The following PRH1 variants were observed in gnomAD, a reference collection of about 807,000 sequenced individuals.
The protein encoded by PRH1 is salivary acidic proline-rich phosphoprotein 1/2.
Under a neutral mutation model 7.9 loss-of-function variants are expected in PRH1, and 7 were observed. The observed-to-expected ratio is 0.89, with a 90% CI of 0.50 to 1.67. The LOEUF (loss-of-function observed/expected upper bound fraction) is 1.67, where lower values mean the gene tolerates loss of function less well. Among genes scored for constraint, PRH1 ranks in the 40% most tolerant of loss-of-function variants. The pLI, the probability that PRH1 is intolerant of heterozygous loss-of-function variation, is 0.00. For missense variants in PRH1, 109 were observed against 223.6 expected (o/e 0.49, Z 3.27); for synonymous variants, 45 against 80.8 (o/e 0.56, Z 2.38).
intron 1 of PRH1, among the ~76,000 whole-genome samples, chr12:10,974,898 G>T (rs1939013629): frequency 6.6e-6 from 1 of 152,076 alleles, no homozygotes; most frequent in African/African-American, 2.4e-5. Flanking sequence ...TTTAAGGAAT[G>T]CAATAAAATG....
chr12:11,030,720 G>C (rs1289785201), intron 1 of PRH1: 2 of 1,614,192 alleles, frequency 1.2e-6, no homozygotes, highest in Non-Finnish European at 1.7e-6. Context: ...ATCTTCTTGA[G>C]ATGTTTACAC....
At chr12:10,923,538 C>A (rs1446463812) in intron 2 of PRH1, among the ~76,000 whole-genome samples, 1 of 152,130 alleles carries the variant, frequency 6.6e-6, no homozygotes, top group Admixed American at 6.5e-5. Flanking sequence ...TTAAATATGA[C>A]AAATATAAAC....
intron 2 of PRH1, chr12:10,938,979 C>T (rs1950345232): frequency 4.3e-6 from 7 of 1,612,776 alleles, no homozygotes; most frequent in Non-Finnish European, 5.1e-6. Flanking sequence ...TTTTCAGTGG[C>T]AAATAAAGCT....
At chr12:11,107,005 C>CT (rs1448863634) in intron 1 of PRH1, among the ~76,000 whole-genome samples, 1 of 151,980 alleles carries the variant, frequency 6.6e-6, no homozygotes, top group Non-Finnish European at 1.5e-5. Context: ...GTGAGACCTT[C>CT]TTTTTTGGGG....
intron 2 of PRH1, among the ~76,000 whole-genome samples, chr12:10,972,932 A>ACCCCACCCCCCC (rs1938894634): frequency 1.3e-5 from 1 of 79,026 alleles, no homozygotes; most frequent in Non-Finnish European, 2.6e-5. Context: ...ACCACAACCC[A>ACCCCACCCCCCC]CCCCCCCCGC....
intron 1 of PRH1, among the ~76,000 whole-genome samples, chr12:11,107,457 A>C (rs1565660377): frequency 6.6e-6 from 1 of 152,248 alleles, no homozygotes; most frequent in Non-Finnish European, 1.5e-5. Context: ...AATCCAGCAC[A>C]GGGAGAGTCT....
At chr12:10,947,942 G>A (rs1404264026) in intron 2 of PRH1, among the ~76,000 whole-genome samples, 1 of 152,142 alleles carries the variant, frequency 6.6e-6, no homozygotes, top group African/African-American at 2.4e-5. Flanking sequence ...CTTTAAGAAT[G>A]TTGAATATAG....
chr12:10,922,472 A>T (rs1450969370), intron 2 of PRH1, among the ~76,000 whole-genome samples: 1 of 152,184 alleles, frequency 6.6e-6, no homozygotes, highest in Non-Finnish European at 1.5e-5. Flanking sequence ...TTAACATTTT[A>T]CTACTTTACA....
intron 1 of PRH1, among the ~76,000 whole-genome samples, chr12:11,123,079 G>A (rs572830843): frequency 7.2e-5 from 11 of 152,096 alleles, no homozygotes; most frequent in Non-Finnish European, 1.5e-4. Context: ...CTGTGTATAG[G>A]TGCAATCCTA....
Position 11,169,032 on chromosome 12 carries a change from A to G in PRH1, n.39+2390T>C, listed in dbSNP as rs537673345. On this transcript the variant is annotated intron_variant and non_coding_transcript_variant, in intron 1 of 1. Transcript: ENST00000541175. ...CACAAGTTAATGGTGTGGTGTGAAC[A>G]TAAGTATAAAAATATTAAGCAGTAT... Among the ~76,000 whole-genome samples, 16 of 152,348 alleles carry G rather than the reference A, an allele frequency of 1.1e-4. No individual in the cohort carries two copies. In the East Asian group the frequency reaches 1.7e-3, roughly 17 times the overall value.
At chr12:11,103,173 C>T (rs968384135) in intron 1 of PRH1, among the ~76,000 whole-genome samples, 2 of 152,138 alleles carry the variant, frequency 1.3e-5, no homozygotes, top group Admixed American at 6.5e-5. Flanking sequence ...CCATTTGACC[C>T]AGCCATCCCA....
In PRH1 at chr12:10,930,347, C is replaced by T. The variant is rs769408027; in HGVS notation, c.-59+43308G>A. The T allele has an allele frequency of 5.6e-5, 89 of 1,594,742 alleles. 1 individual carries two copies. The South Asian group carries it at 8.4e-4, about 15-fold the overall frequency. On this transcript the variant is annotated intron_variant, in intron 2 of 3. Transcript: ENST00000539853. ...CTCAGTAAACTCTGTCTCCATTTTT[C>T]CCTGAAAAATTGATCAGTTCTCCAG...
intron 2 of PRH1, chr12:10,965,333 A>G (rs889178615): frequency 1.3e-4 from 165 of 1,246,794 alleles, no homozygotes; most frequent in Non-Finnish European, 1.6e-4. Flanking sequence ...GGAAAAAATG[A>G]TGGGTAGAAA....
At chr12:10,890,759 C>A (rs967631487) in intron 2 of PRH1, among the ~76,000 whole-genome samples, 35 of 150,844 alleles carry the variant, frequency 2.3e-4, no homozygotes, top group African/African-American at 8.3e-4. Context: ...TGCCTGTTGT[C>A]CTAGTCATTT....
intron 1 of PRH1, among the ~76,000 whole-genome samples, chr12:11,039,859 G>C (rs898649255): frequency 3.3e-5 from 5 of 152,116 alleles, no homozygotes; most frequent in African/African-American, 1.2e-4. Context: ...ACCCCCTCAT[G>C]GATAGAAGGA....
intron 2 of PRH1, among the ~76,000 whole-genome samples, chr12:10,956,387 A>C (rs1937960082): frequency 6.6e-6 from 1 of 152,014 alleles, no homozygotes; most frequent in Non-Finnish European, 1.5e-5. Context: ...CATATTAAAA[A>C]CTCTCAACAA....
intron 1 of PRH1, among the ~76,000 whole-genome samples, chr12:11,158,372 T>A (rs1947314879): frequency 4.0e-5 from 6 of 149,190 alleles, no homozygotes. Flanking sequence ...ACTTACTTAA[T>A]TATACTTAAC....
In PRH1 at chr12:11,094,196, G is replaced by A. The variant is rs1288833568; in HGVS notation, n.124-47008C>T. Among the ~76,000 whole-genome samples, 4 of 107,356 alleles carry A rather than the reference G, an allele frequency of 3.7e-5. 1 individual carries two copies. Among genetic ancestry groups the A allele is most frequent in the Non-Finnish European group, 8.6e-5 (4 of 46,644 alleles). 70.4% of individuals were successfully genotyped at this position (107,356 alleles called of 152,430 possible). On this transcript the variant is annotated intron_variant and non_coding_transcript_variant, in intron 1 of 4. Transcript: ENST00000541977. ...GTGGGCCTGTAGCCCCAGCTACTCA[G>A]GAGGCTGAGGCAGGAGAATGGCGTG...
At chr12:10,948,903 G>GT (rs1221039687) in intron 2 of PRH1, among the ~76,000 whole-genome samples, 1 of 152,144 alleles carries the variant, frequency 6.6e-6, no homozygotes, top group Non-Finnish European at 1.5e-5. Flanking sequence ...TGGTGTTGAA[G>GT]TTTTGGGGTG....
Sources: gnomAD v4.1 joint callset for allele counts (sites outside exome capture counted in the v4.1 genomes callset) on GRCh38, gnomAD v4.1.1 for gene constraint, MANE v1.5 for transcripts, NCBI Gene and HGNC (gene_info 2026-07-23, HGNC 2026-07-21) for gene names.